ANTXR2: variants seen among roughly 807,000 people sequenced by gnomAD.
ANTXR2 encodes the protein ANTXR cell adhesion molecule 2.
A neutral mutation model predicts 73.7 loss-of-function variants in ANTXR2; 44 were observed. The ratio of observed to expected loss-of-function variants is 0.60; its 90% CI spans 0.47 to 0.77. The LOEUF is 0.77. ANTXR2 is among the 30% of genes least tolerant of loss of function. ANTXR2 has a pLI of 0.00. For synonymous variants in ANTXR2, 217 were observed against 205.9 expected (o/e 1.05, Z -0.46); for missense variants, 604 against 592.5 (o/e 1.02, Z -0.20).
intron 14 of ANTXR2, among the ~76,000 whole-genome samples, chr4:79,980,535 C>T (rs1319293586): frequency 1.3e-5 from 2 of 152,074 alleles, no homozygotes; most frequent in African/African-American, 4.8e-5. Context: ...CTCCACTTGG[C>T]TTTCATTATA....
chr4:79,951,900 T>G (rs72871886), intron 16 of ANTXR2, among the ~76,000 whole-genome samples: 30,043 of 152,092 alleles, frequency 0.2, 4,957 homozygotes, highest in African/African-American at 0.45. Context: ...TTCTGTTACT[T>G]CCTTGAATTG....
chr4:79,936,489 C>G (rs1369653283), intron 16 of ANTXR2, among the ~76,000 whole-genome samples: 2 of 149,822 alleles, frequency 1.3e-5, no homozygotes, highest in Non-Finnish European at 2.9e-5. Context: ...ACAATCAAAA[C>G]ATTCTCACAT....
In ANTXR2 at chr4:80,052,248, T is replaced by A. The variant is rs1217917825; in HGVS notation, c.636+2024A>T. ...TCTCCTAGCCATGTGACAGAAACAC[T>A]ATATTTGTTTTAAAGATCTAATAGA... On this transcript the variant is annotated intron_variant, in intron 7 of 16. Coordinates refer to ENST00000403729, the MANE Select transcript of ANTXR2 (RefSeq NM_058172.6). 5.3e-5 allele frequency among the ~76,000 whole-genome samples: 8 copies of A among 151,672 alleles called. No homozygotes were observed. The East Asian group carries it at 1.4e-3, about 26-fold the overall frequency.
At chr4:79,937,681 C>A (rs924538096) in intron 16 of ANTXR2, among the ~76,000 whole-genome samples, 1 of 152,136 alleles carries the variant, frequency 6.6e-6, no homozygotes, top group Non-Finnish European at 1.5e-5. Context: ...CAATTATGTA[C>A]CCAGCACTGT....
intron 12 of ANTXR2, among the ~76,000 whole-genome samples, chr4:80,002,927 A>T (rs1390798668): frequency 1.4e-5 from 2 of 140,098 alleles, no homozygotes; most frequent in Non-Finnish European, 3.2e-5. Context: ...GCTGGAGAGG[A>T]TGTGGAGAAA....
intron 11 of ANTXR2, among the ~76,000 whole-genome samples, chr4:80,018,617 A>G (rs1411182672): frequency 6.6e-6 from 1 of 152,220 alleles, no homozygotes; most frequent in Non-Finnish European, 1.5e-5. Flanking sequence ...TCATTTGTAA[A>G]TTATTATCTT....
intron 16 of ANTXR2, among the ~76,000 whole-genome samples, chr4:79,928,421 T>C (rs1727912477): frequency 6.6e-6 from 1 of 152,092 alleles, no homozygotes; most frequent in Non-Finnish European, 1.5e-5. Context: ...AAAAAGAGAG[T>C]TGGATAGTGG....
At chr4:79,977,939 G>T in intron 15 of ANTXR2, 68 bp downstream of exon 15, 1 of 1,481,908 alleles carries the variant, frequency 6.7e-7, no homozygotes, top group Non-Finnish European at 9.1e-7. Context: ...CTGGGGGGAT[G>T]TGGTACAAAA....
rs1734867652 is a variant in ANTXR2, at chr4:80,072,654, G to C, written c.-94C>G. ...GCGGGAGTCACCCGGCACGCACTCT[G>C]GGGTGGGGGGCGGCGAGCAGCTGAG... On this transcript the variant is annotated 5_prime_UTR_variant, in exon 1 of 17. Coordinates refer to ENST00000403729, the MANE Select transcript of ANTXR2 (RefSeq NM_058172.6). The C allele has an allele frequency of 5.2e-6, 7 of 1,342,504 alleles. No homozygotes were observed. Among genetic ancestry groups the C allele is most frequent in the Admixed American group, 3.8e-5 (1 of 26,140 alleles). The allele number at this position is 1,342,504 out of a possible 1,614,324, so 83.2% of individuals were successfully genotyped here.
intron 16 of ANTXR2, among the ~76,000 whole-genome samples, chr4:79,958,466 G>T (rs1729008327): frequency 6.6e-6 from 1 of 152,084 alleles, no homozygotes; most frequent in South Asian, 2.1e-4. Context: ...AAAACTCTTA[G>T]CAATTAATTA....
At chr4:80,017,595 C>A (rs1418703183) in intron 11 of ANTXR2, among the ~76,000 whole-genome samples, 1 of 152,062 alleles carries the variant, frequency 6.6e-6, no homozygotes, top group Non-Finnish European at 1.5e-5. Context: ...GAAAATCATG[C>A]ATTGTTATAG....
chr4:79,975,382 A>G (rs542856904), intron 16 of ANTXR2, among the ~76,000 whole-genome samples: 1 of 152,174 alleles, frequency 6.6e-6, no homozygotes, highest in East Asian at 2.0e-4. Context: ...ACCCTTTGAT[A>G]TTACTTGATG....
Position 80,039,209 on chromosome 4 carries a change from C to T in ANTXR2, c.637-3177G>A, listed in dbSNP as rs141674884. On this transcript the variant is annotated intron_variant, in intron 7 of 16. Transcript: ENST00000403729. The stretch of plus-strand genomic sequence containing the variant: ...AAACAAACTTCACCAAAACCATTTC[C>T]AAATGAAAAATAGAGAGGAGGGAGA... Among the ~76,000 whole-genome samples, 26 of 151,634 alleles carry T rather than the reference C, an allele frequency of 1.7e-4. No homozygotes were observed. In the East Asian group the frequency reaches 5.0e-3, roughly 29 times the overall value.
intron 7 of ANTXR2, among the ~76,000 whole-genome samples, chr4:80,039,525 A>G (rs1733135672): frequency 6.6e-6 from 1 of 152,166 alleles, no homozygotes; most frequent in Admixed American, 6.6e-5. Context: ...CAACAAACAT[A>G]CAAAAAAATG....
chr4:79,992,209 A>G (rs1025231899), intron 12 of ANTXR2, among the ~76,000 whole-genome samples: 1 of 151,924 alleles, frequency 6.6e-6, no homozygotes, highest in Non-Finnish European at 1.5e-5. Context: ...TTAATTTTTA[A>G]TTTTTGTGGG....
At chr4:79,980,623 G>T (rs1015626666) in intron 14 of ANTXR2, among the ~76,000 whole-genome samples, 3 of 150,944 alleles carry the variant, frequency 2.0e-5, no homozygotes, top group Admixed American at 2.0e-4. Flanking sequence ...TTTCAGAATC[G>T]AGAAAAGAAA....
chr4:79,929,410 G>C (rs1171699377), intron 16 of ANTXR2, among the ~76,000 whole-genome samples: 2 of 152,086 alleles, frequency 1.3e-5, no homozygotes, highest in African/African-American at 4.8e-5. Context: ...CTACTCTGGA[G>C]GCTGAGGCAG....
chr4:79,933,694 C>G (rs1191154492), intron 16 of ANTXR2, among the ~76,000 whole-genome samples: 1 of 133,124 alleles, frequency 7.5e-6, no homozygotes, highest in Non-Finnish European at 1.6e-5. Flanking sequence ...AATGCTATCC[C>G]TCCACCCTCC....
chr4:79,913,232 C>A (rs1374088748), intron 16 of ANTXR2, among the ~76,000 whole-genome samples: 1 of 152,118 alleles, frequency 6.6e-6, no homozygotes, highest in Non-Finnish European at 1.5e-5. Context: ...CAATTACTAT[C>A]TTGGTGTACC....
Sources: gnomAD v4.1 joint callset for allele counts (sites outside exome capture counted in the v4.1 genomes callset) on GRCh38, gnomAD v4.1.1 for gene constraint, MANE v1.5 for transcripts, NCBI Gene and HGNC (gene_info 2026-07-23, HGNC 2026-07-21) for gene names.